Variants in CACHD1 observed in about 807,000 individuals in gnomAD.
CACHD1 encodes the protein cache domain containing 1.
A neutral mutation model predicts 138.7 loss-of-function variants in CACHD1; 71 were observed. The observed-to-expected ratio is 0.51, with a 90% CI of 0.42 to 0.62. The LOEUF is 0.62. CACHD1 is among the 20% of genes least tolerant of loss of function. The probability of loss-of-function intolerance (pLI) is 0.00; values close to 1 mark genes in which losing one functional copy is unlikely to be tolerated. For synonymous variants in CACHD1, 578 were observed against 591.5 expected, an observed-to-expected ratio of 0.98 and a Z score of 0.33; for missense variants, 1,389 against 1,625.3, an observed-to-expected ratio of 0.85 and a Z score of 2.50.
At chr1:64,617,475 G>A (rs1647753792) in intron 4 of CACHD1, among the ~76,000 whole-genome samples, 2 of 152,022 alleles carry the variant, frequency 1.3e-5, no homozygotes, top group South Asian at 4.2e-4. Context: ...GAATGGACTG[G>A]TTATTTTTGC....
At chr1:64,681,547 T>TTTTGTTTTTG (rs1557555782) in intron 25 of CACHD1, among the ~76,000 whole-genome samples, 2 of 114,504 alleles carry the variant, frequency 1.7e-5, no homozygotes, top group African/African-American at 5.5e-5. Flanking sequence ...TTGTGTTTTT[T>TTTTGTTTTTG]TTTTTTTTTT....
chr1:64,508,212 T>G lies in CACHD1; in HGVS notation c.198+37270T>G, dbSNP rs527915829. ...GGGGAAATCCACCCACATGATCCAA[T>G]CACTTCCCACCAGGCCCCTCCGTCT... On this transcript the variant is annotated intron_variant, in intron 1 of 26. Transcript: ENST00000651257. Among the ~76,000 whole-genome samples the G allele has an allele frequency of 3.9e-5, 6 of 152,284 alleles. No individual in the cohort carries two copies. The East Asian group carries it at 1.2e-3, about 29-fold the overall frequency.
chr1:64,665,030 G>A (rs1180718732), intron 15 of CACHD1, among the ~76,000 whole-genome samples: 2 of 152,074 alleles, frequency 1.3e-5, no homozygotes, highest in African/African-American at 2.4e-5. Context: ...GCTTATGTAT[G>A]ACCTGTGAAA....
chr1:64,621,633 C>A (rs1202778078), intron 4 of CACHD1, among the ~76,000 whole-genome samples: 1 of 152,120 alleles, frequency 6.6e-6, no homozygotes, highest in Admixed American at 6.5e-5. Flanking sequence ...GAATTTCAGG[C>A]AAAACCTGAA....
At chr1:64,666,698 G>A (rs541449783) in intron 16 of CACHD1, among the ~76,000 whole-genome samples, 2 of 151,960 alleles carry the variant, frequency 1.3e-5, no homozygotes, top group South Asian at 2.1e-4. Context: ...GCAACATAGC[G>A]AGACCCTGGC....
At chr1:64,483,060 G>A (rs1461988708) in intron 1 of CACHD1, among the ~76,000 whole-genome samples, 1 of 152,092 alleles carries the variant, frequency 6.6e-6, no homozygotes, top group African/African-American at 2.4e-5. Context: ...TGTTTAATGT[G>A]TCCATTTCAT....
At chr1:64,649,635 C>T (rs917192906) in intron 9 of CACHD1, among the ~76,000 whole-genome samples, 1 of 152,124 alleles carries the variant, frequency 6.6e-6, no homozygotes, top group Non-Finnish European at 1.5e-5. Flanking sequence ...CAAAGGATGA[C>T]GTAGAGATCC....
chr1:64,564,145 C>G (rs1570370061), intron 2 of CACHD1, among the ~76,000 whole-genome samples: 1 of 152,106 alleles, frequency 6.6e-6, no homozygotes, highest in South Asian at 2.1e-4. Context: ...TGTCTAAAGA[C>G]GGATCCTCCG....
intron 26 of CACHD1, among the ~76,000 whole-genome samples, chr1:64,685,668 T>C (rs1221457432): frequency 1.3e-5 from 2 of 151,908 alleles, no homozygotes; most frequent in African/African-American, 4.8e-5. Flanking sequence ...GGTGAGACCC[T>C]GTCTCTACAA....
rs575879467 is a variant in CACHD1 at position 64,492,560 on chromosome 1, T to G, written c.198+21618T>G. On this transcript the variant is annotated intron_variant, in intron 1 of 26. Transcript: ENST00000651257. ...TGCTCATCACATTCCTTCTTGGAGA[T>G]ATACTCCTCCCCGTTCTGATACTTC... Among the ~76,000 whole-genome samples, 103 of 151,390 alleles carry G rather than the reference T, an allele frequency of 6.8e-4. 1 individual carries two copies. Among genetic ancestry groups the G allele is most frequent in the Non-Finnish European group, 1.1e-3 (72 of 67,860 alleles).
rs775416724 is a variant in CACHD1 at position 64,641,909 on chromosome 1, A to G, written c.1096A>G (p.Asn366Asp). Reference protein sequence around the residue: ...EDKKATLQVINEENSFLNNSV... With the variant: ...EDKKATLQVIDEENSFLNNSV... ...TAAAAAAGCGACTCTCCAAGTCATC[A>G]ATGAAGAAAATAGCTTTCTAAACAA... The change falls in exon 8 of 27, where the codon AAT becomes GAT. Residue 366 changes from asparagine to aspartate, a missense_variant. This residue lies in a region of CACHD1 where 1,000 missense variants were observed against 1,114.7 expected (regional missense o/e 0.90). Coordinates refer to ENST00000651257, the MANE Select transcript of CACHD1 (RefSeq NM_020925.4). 4 of 1,607,220 alleles carry G rather than the reference A, an allele frequency of 2.5e-6. No individual in the cohort carries two copies. The highest frequency in any genetic ancestry group is 1.7e-5 in the Admixed American group (1 of 58,528).
intron 1 of CACHD1, among the ~76,000 whole-genome samples, chr1:64,526,772 C>G (rs1349954962): frequency 1.3e-5 from 2 of 152,234 alleles, no homozygotes; most frequent in African/African-American, 4.8e-5. Context: ...TCAGCTCTTG[C>G]TGGGGTCATT....
chr1:64,617,632 G>A (rs1205831420), intron 4 of CACHD1, among the ~76,000 whole-genome samples: 1 of 152,140 alleles, frequency 6.6e-6, no homozygotes, highest in Non-Finnish European at 1.5e-5. Context: ...GAACAGGCTT[G>A]GTCAACTGTC....
chr1:64,686,393 T>C (rs1650372147), intron 26 of CACHD1, among the ~76,000 whole-genome samples: 2 of 152,252 alleles, frequency 1.3e-5, no homozygotes, highest in Non-Finnish European at 2.9e-5. Flanking sequence ...ATATTTTATG[T>C]GGCCAACAGA....
At chr1:64,496,042 A>G (rs1181210512) in intron 1 of CACHD1, among the ~76,000 whole-genome samples, 1 of 152,230 alleles carries the variant, frequency 6.6e-6, no homozygotes, top group Non-Finnish European at 1.5e-5. Context: ...TTTGCATTTT[A>G]TAATGATTTG....
intron 6 of CACHD1, 105 bp from the exon 7 acceptor site, chr1:64,633,939 C>T: frequency 1.3e-6 from 1 of 762,822 alleles, no homozygotes. Flanking sequence ...AGAATCTGTT[C>T]TGTAGGCCTT....
chr1:64,606,460 G>A (rs1647344767), intron 4 of CACHD1, among the ~76,000 whole-genome samples: 1 of 152,124 alleles, frequency 6.6e-6, no homozygotes, highest in Non-Finnish European at 1.5e-5. Flanking sequence ...AGAGCTGGGA[G>A]TAGATTAGGC....
intron 2 of CACHD1, among the ~76,000 whole-genome samples, chr1:64,580,748 A>T (rs1647005623): frequency 6.6e-6 from 1 of 152,088 alleles, no homozygotes; most frequent in African/African-American, 2.4e-5. Flanking sequence ...GCATTGTAGG[A>T]TGTTTAGGAG....
At chr1:64,525,444 T>C (rs1646531147) in intron 1 of CACHD1, among the ~76,000 whole-genome samples, 1 of 152,204 alleles carries the variant, frequency 6.6e-6, no homozygotes, top group South Asian at 2.1e-4. Context: ...TTAGATGCTC[T>C]GAAAAATCTT....
Sources: gnomAD v4.1 joint callset for allele counts (sites outside exome capture counted in the v4.1 genomes callset) on GRCh38, gnomAD v4.1.1 for gene constraint, gnomAD v4.1.1 regional missense constraint, MANE v1.5 for transcripts, NCBI Gene and HGNC (gene_info 2026-07-23, HGNC 2026-07-21) for gene names.